NBEAL1: variants seen among roughly 807,000 people sequenced by gnomAD.
The protein encoded by NBEAL1 is neurobeachin-like protein 1.
In NBEAL1, 273 loss-of-function variants were observed where a neutral mutation model predicts 351.3. The ratio of observed to expected loss-of-function variants is 0.78; its 90% confidence interval spans 0.70 to 0.86. The LOEUF is 0.86. Ranked by LOEUF, NBEAL1 falls within the 40% of genes least tolerant of loss-of-function variation. The pLI is 0.00. For missense variants in NBEAL1, 2,961 were observed against 3,201.3 expected, an observed-to-expected ratio of 0.92 and a Z score of 1.81; for synonymous variants, 1,050 against 1,086.4, an observed-to-expected ratio of 0.97 and a Z score of 0.66.
Position 203,217,631 on chromosome 2 carries a change from A to G in NBEAL1, c.*277A>G, listed in dbSNP as rs1005371281. On this transcript the variant is annotated 3_prime_UTR_variant, in exon 56 of 56. Transcript: ENST00000683969. ...TGAGAACATTAGGTTCAATTTTCTT[A>G]TTATTCCAAATGATAAAATTTAAGA... 1 of 998,516 alleles carries G rather than the reference A, an allele frequency of 1.0e-6. No homozygotes were observed. The highest frequency in any genetic ancestry group is 1.2e-6 in the Non-Finnish European group (1 of 826,024). 61.9% of individuals were successfully genotyped at this position (998,516 alleles called of 1,614,324 possible).
rs2061647511 is a variant in NBEAL1, at chr2:203,069,585, A to G, written c.598+1110A>G. ...CCATAAAAGCCTTTGTCTCTTGTAT[A>G]TTTAGGTTGTGCGCATATTTTGTTA... On this transcript the variant is annotated intron_variant, in intron 7 of 55. Coordinates refer to ENST00000683969, the MANE Select transcript of NBEAL1 (RefSeq NM_001378026.1). Among the ~76,000 whole-genome samples, 4 of 152,310 alleles carry G rather than the reference A, an allele frequency of 2.6e-5. No individual in the cohort carries two copies. In the South Asian group the frequency reaches 8.3e-4, roughly 32 times the overall value.
intron 2 of NBEAL1, among the ~76,000 whole-genome samples, chr2:203,037,809 A>T (rs928825588): frequency 6.7e-6 from 1 of 148,810 alleles, no homozygotes; most frequent in Non-Finnish European, 1.5e-5. Flanking sequence ...ATACAAAAAT[A>T]CAAAAAATAC....
intron 51 of NBEAL1, among the ~76,000 whole-genome samples, chr2:203,205,110 T>C (rs1427944648): frequency 6.6e-6 from 1 of 152,214 alleles, no homozygotes; most frequent in Non-Finnish European, 1.5e-5. Flanking sequence ...CCATTTAGTA[T>C]AGTGTTTGCT....
chr2:203,116,054 T>G lies in NBEAL1; in HGVS notation c.2576T>G (p.Leu859Arg). Residue 859 changes from leucine to arginine, a missense_variant, in exon 18 of 56, where the codon CTT (leucine) becomes CGT (arginine). Coordinates refer to ENST00000683969, the MANE Select transcript of NBEAL1 (RefSeq NM_001378026.1). ...DMADLPGNIL[L>R]YYTAKACKNS... ...GCCGACCTGCCTGGTAACATCCTTC[T>G]TTACTACACAGCAAAGGTCAGAGTA... The G allele has an allele frequency of 3.2e-6, 5 of 1,553,102 alleles. No homozygotes were observed. The highest frequency in any genetic ancestry group is 4.4e-6 in the Non-Finnish European group (5 of 1,146,926).
chr2:203,175,983 T>A (rs2064487004), intron 42 of NBEAL1, among the ~76,000 whole-genome samples: 1 of 152,152 alleles, frequency 6.6e-6, no homozygotes, highest in Admixed American at 6.6e-5. Context: ...TTATGTACAA[T>A]AAGCCTTGGC....
At chr2:203,021,998 C>T (rs923711924) in intron 2 of NBEAL1, among the ~76,000 whole-genome samples, 3 of 151,086 alleles carry the variant, frequency 2.0e-5, no homozygotes, top group Non-Finnish European at 2.9e-5. Context: ...TTGCAGTGAC[C>T]TGAGATCTCG....
At chr2:203,117,459 T>TC (rs34742015) in intron 18 of NBEAL1, among the ~76,000 whole-genome samples, 139,525 of 152,238 alleles carry the variant, frequency 0.92, 64,418 homozygotes, top group Non-Finnish European at 0.97. Context: ...CGAGACTCCA[T>TC]TCAAAAGAAA....
At chr2:203,156,590 A>G (rs770634999) in intron 35 of NBEAL1, among the ~76,000 whole-genome samples, 21 of 152,348 alleles carry the variant, frequency 1.4e-4, no homozygotes, top group Non-Finnish European at 2.8e-4. Flanking sequence ...AATAGTTACT[A>G]ACTTGTTCTA....
In NBEAL1 at chr2:203,057,452, G is replaced by C; in HGVS notation, c.514G>C (p.Gly172Arg). Residue 172 changes from glycine to arginine, a missense_variant and splice_region_variant, in exon 6 of 56, where the codon GGA becomes CGA. Gly to Arg is a moderately radical substitution (Grantham distance 125). Coordinates refer to ENST00000683969, the MANE Select transcript of NBEAL1 (RefSeq NM_001378026.1). The stretch of plus-strand genomic sequence containing the variant: ...TCGGAATTGGAGACATAGAATTTCA[G>C]GGTATGTCTTATAAATAATAACGTT... ...PYRNWRHRISGRILSTVEKSR... is the reference protein window; with the variant it reads ...PYRNWRHRISRRILSTVEKSR... 1 of 1,547,114 alleles carries C rather than the reference G, an allele frequency of 6.5e-7. No homozygotes were observed. Among genetic ancestry groups the C allele is most frequent in the Non-Finnish European group, 8.7e-7 (1 of 1,144,208 alleles).
intron 2 of NBEAL1, among the ~76,000 whole-genome samples, chr2:203,019,297 G>C (rs1466093239): frequency 6.6e-6 from 1 of 152,144 alleles, no homozygotes; most frequent in African/African-American, 2.4e-5. Context: ...TTGCAAAACT[G>C]TATAATTTAT....
At chr2:203,164,578 A>T (rs1029057014) in intron 36 of NBEAL1, among the ~76,000 whole-genome samples, 5 of 152,054 alleles carry the variant, frequency 3.3e-5, no homozygotes, top group African/African-American at 1.2e-4. Flanking sequence ...TCATGGCTCT[A>T]TTTATCACTG....
chr2:203,107,445 A>G lies in NBEAL1; in HGVS notation c.1295A>G (p.Tyr432Cys), dbSNP rs1230812730. 3.2e-6 allele frequency: 5 copies of G among 1,548,658 alleles called. No individual in the cohort carries two copies. Among genetic ancestry groups the G allele is most frequent in the Non-Finnish European group, 4.4e-6 (5 of 1,144,172 alleles). ...AKEVFKERIG[Y>C]THMLEVLKSL... ...GAAGTATTTAAAGAAAGAATTGGTT[A>G]TACACATATGCTTGAAGTATTAAAA... The change falls in exon 13 of 56, where the codon TAT becomes TGT. Residue 432 changes from tyrosine (Y) to cysteine (C), a missense_variant. By Grantham distance (194) the Tyr-to-Cys change is radical. Coordinates refer to ENST00000683969, the MANE Select transcript of NBEAL1 (RefSeq NM_001378026.1).
chr2:203,126,955 G>T (rs951382620), intron 23 of NBEAL1, 29 bp downstream of exon 23: 2 of 1,429,442 alleles, frequency 1.4e-6, no homozygotes, highest in Non-Finnish European at 1.9e-6. Flanking sequence ...TTCTCAGTTT[G>T]ATATATTATT....
chr2:203,212,666 A>G (rs1202875867), intron 54 of NBEAL1, among the ~76,000 whole-genome samples: 4 of 152,040 alleles, frequency 2.6e-5, no homozygotes, highest in Admixed American at 2.0e-4. Flanking sequence ...TGTTGTGAAC[A>G]GTTTAAGAGC....
At chr2:203,124,891 A>G (rs2106280364) in intron 19 of NBEAL1, among the ~76,000 whole-genome samples, 1 of 152,348 alleles carries the variant, frequency 6.6e-6, no homozygotes, top group East Asian at 1.9e-4. Context: ...AAAATATCCA[A>G]AACTTTGAAC....
chr2:203,184,594 A>C (rs2064840141), intron 44 of NBEAL1, among the ~76,000 whole-genome samples: 1 of 152,050 alleles, frequency 6.6e-6, no homozygotes, highest in Non-Finnish European at 1.5e-5. Flanking sequence ...TTCTTTACCT[A>C]AACTGAAATG....
intron 35 of NBEAL1, among the ~76,000 whole-genome samples, chr2:203,153,423 C>T (rs2063715041): frequency 6.6e-6 from 1 of 151,380 alleles, no homozygotes; most frequent in Admixed American, 6.6e-5. Context: ...AGATTACAGA[C>T]TTGAGCCGGC....
At chr2:203,053,292 TA>T (rs1243084578) in intron 4 of NBEAL1, among the ~76,000 whole-genome samples, 1 of 152,178 alleles carries the variant, frequency 6.6e-6, no homozygotes, top group Non-Finnish European at 1.5e-5. Context: ...TGTAGTATCT[TA>T]TTGTTTTAAT....
At chr2:203,185,446 G>A (rs2064867161) in intron 44 of NBEAL1, among the ~76,000 whole-genome samples, 1 of 152,180 alleles carries the variant, frequency 6.6e-6, no homozygotes, top group Non-Finnish European at 1.5e-5. Flanking sequence ...ATTGATGGGT[G>A]CAGCAAACCA....
Sources: allele counts gnomAD v4.1 joint callset (sites outside exome capture counted in the v4.1 genomes callset), GRCh38; gene constraint gnomAD v4.1.1; transcripts MANE v1.5; gene names NCBI Gene and HGNC (gene_info 2026-07-23, HGNC 2026-07-21).